ATP8A2: variants seen among roughly 807,000 people sequenced by gnomAD.
ATP8A2 encodes phospholipid-transporting ATPase IB.
In ATP8A2, 100 loss-of-function variants were observed where a neutral mutation model predicts 165.6. The observed-to-expected ratio is 0.60, with a 90% CI of 0.51 to 0.71. The LOEUF is 0.71. ATP8A2 is among the 30% of genes least tolerant of loss of function. The pLI is 0.00. For missense variants in ATP8A2, 1,227 were observed against 1,479.5 expected (o/e 0.83, Z 2.80); for synonymous variants, 543 against 548.8 (o/e 0.99, Z 0.15).
chr13:25,530,749 A>G, intron 4 of ATP8A2, 89 bp downstream of exon 4: 1 of 817,160 alleles, frequency 1.2e-6, no homozygotes. Flanking sequence ...AAGGCAGGAA[A>G]TTGGGCTATA....
chr13:25,549,296 A>G (rs1186949866), intron 10 of ATP8A2, among the ~76,000 whole-genome samples: 1 of 152,012 alleles, frequency 6.6e-6, no homozygotes, highest in African/African-American at 2.4e-5. Context: ...CATTTCTACT[A>G]AAAATACAAA....
chr13:25,636,047 C>T (rs1382199561), intron 24 of ATP8A2, among the ~76,000 whole-genome samples: 4 of 151,954 alleles, frequency 2.6e-5, no homozygotes, highest in Middle Eastern at 6.8e-3. Flanking sequence ...AGGTGGGGGA[C>T]GTAGTGGTGC....
chr13:25,634,418 C>T (rs1013966060), intron 24 of ATP8A2, among the ~76,000 whole-genome samples: 12 of 152,224 alleles, frequency 7.9e-5, no homozygotes, highest in East Asian at 7.7e-4. Flanking sequence ...CCTGTTAGGG[C>T]GCTGTTATTA....
At chr13:25,992,141 G>A (rs1956408471) in intron 35 of ATP8A2, among the ~76,000 whole-genome samples, 1 of 151,346 alleles carries the variant, frequency 6.6e-6, no homozygotes, top group African/African-American at 2.4e-5. Flanking sequence ...TTCAGAGTGG[G>A]CATACCATTT....
At chr13:25,728,532 G>A (rs2043544259) in intron 25 of ATP8A2, among the ~76,000 whole-genome samples, 1 of 152,106 alleles carries the variant, frequency 6.6e-6, no homozygotes, top group Admixed American at 6.5e-5. Context: ...AGTATTACTG[G>A]GGATATTTGA....
intron 9 of ATP8A2, among the ~76,000 whole-genome samples, chr13:25,542,499 T>C (rs768764191): frequency 6.6e-6 from 1 of 152,064 alleles, no homozygotes; most frequent in Non-Finnish European, 1.5e-5. Context: ...CCTGTCTATA[T>C]TCTGTTATCT....
intron 24 of ATP8A2, among the ~76,000 whole-genome samples, chr13:25,631,073 G>C (rs1157568975): frequency 6.6e-6 from 1 of 152,174 alleles, no homozygotes. Context: ...AAGACTTTGA[G>C]AGTGCTAAGT....
At chr13:25,808,547 C>T (rs1308596055) in intron 27 of ATP8A2, among the ~76,000 whole-genome samples, 1 of 150,818 alleles carries the variant, frequency 6.6e-6, no homozygotes, top group Non-Finnish European at 1.5e-5. Context: ...TGCAGTGAAC[C>T]GATATCATGC....
At chr13:25,618,619 A>G (rs1163788169) in intron 24 of ATP8A2, among the ~76,000 whole-genome samples, 2 of 151,384 alleles carry the variant, frequency 1.3e-5, no homozygotes, top group African/African-American at 2.4e-5. Flanking sequence ...AATGGCAGTA[A>G]ACTTTTTTTT....
At chr13:25,987,472 C>T (rs1409198645) in intron 35 of ATP8A2, among the ~76,000 whole-genome samples, 3 of 152,192 alleles carry the variant, frequency 2.0e-5, no homozygotes, top group Admixed American at 6.5e-5. Flanking sequence ...CTGTGAAGGA[C>T]CATTTGGCAT....
At chr13:25,438,171 G>C (rs2034831124) in intron 1 of ATP8A2, among the ~76,000 whole-genome samples, 1 of 152,120 alleles carries the variant, frequency 6.6e-6, no homozygotes, top group African/African-American at 2.4e-5. Context: ...GAAGGGTCTG[G>C]GTAGGAGGTT....
intron 25 of ATP8A2, among the ~76,000 whole-genome samples, chr13:25,762,321 T>C (rs1235340655): frequency 1.4e-5 from 2 of 139,408 alleles, no homozygotes; most frequent in Admixed American, 7.4e-5. Context: ...CCTAGAATGT[T>C]TTTAAGGATA....
chr13:25,504,017 G>A (rs759538420), intron 2 of ATP8A2, among the ~76,000 whole-genome samples: 5 of 152,186 alleles, frequency 3.3e-5, no homozygotes, highest in Non-Finnish European at 7.3e-5. Flanking sequence ...AACTCCTCGA[G>A]CTGCAAGAGG....
intron 1 of ATP8A2, among the ~76,000 whole-genome samples, chr13:25,383,447 T>G (rs1044391807): frequency 6.6e-6 from 1 of 152,202 alleles, no homozygotes; most frequent in Non-Finnish European, 1.5e-5. Context: ...TGAAGAGTTC[T>G]TTGTATATTT....
chr13:25,675,289 C>T (rs1199650702), intron 24 of ATP8A2, among the ~76,000 whole-genome samples: 1 of 152,200 alleles, frequency 6.6e-6, no homozygotes. Flanking sequence ...TCTCTGGGGG[C>T]CACTGCTCAG....
At chr13:25,920,921 T>G (rs890972521) in intron 33 of ATP8A2, among the ~76,000 whole-genome samples, 1 of 151,806 alleles carries the variant, frequency 6.6e-6, no homozygotes. Context: ...TACAAAAAAA[T>G]TAGCCAGGTG....
chr13:25,644,994 A>G (rs1228900825), intron 24 of ATP8A2, among the ~76,000 whole-genome samples: 1 of 152,072 alleles, frequency 6.6e-6, no homozygotes, highest in Non-Finnish European at 1.5e-5. Flanking sequence ...TTGTCTTTTA[A>G]AAAATCCAAC....
chr13:25,531,275 T>TATGATATATGTTATATATG (rs2038055485), intron 4 of ATP8A2, among the ~76,000 whole-genome samples: 1 of 77,676 alleles, frequency 1.3e-5, no homozygotes, highest in Non-Finnish European at 2.9e-5. Flanking sequence ...ATATATGATA[T>TATGATATATGTTATATATG]ATATGTTATA....
chr13:25,850,498 G>GC (rs1201582529), intron 30 of ATP8A2, among the ~76,000 whole-genome samples: 3 of 127,428 alleles, frequency 2.4e-5, no homozygotes, highest in Non-Finnish European at 4.8e-5. Flanking sequence ...ATCCATCTCT[G>GC]CCCCCCATAC....
Sources: gnomAD v4.1 joint callset for allele counts (sites outside exome capture counted in the v4.1 genomes callset) on GRCh38, gnomAD v4.1.1 for gene constraint, MANE v1.5 for transcripts, NCBI Gene and HGNC (gene_info 2026-07-23, HGNC 2026-07-21) for gene names.